Variants in ANKRD2 observed in about 807,000 individuals in gnomAD.
ANKRD2 encodes the protein ankyrin repeat domain 2, also known as ankyrin repeat domain-containing protein 2.
ANKRD2 carries 35 observed loss-of-function variants against 37.3 expected under a neutral mutation model. That is an observed-to-expected ratio of 0.94 (90% CI 0.72 to 1.24). ANKRD2 has a LOEUF of 1.24. Among genes scored for constraint, ANKRD2 ranks in the 50% most tolerant of loss-of-function variants. ANKRD2 has a pLI of 0.00. For missense variants in ANKRD2, 410 were observed against 445.6 expected (o/e 0.92, Z 0.72); for synonymous variants, 159 against 186.5 (o/e 0.85, Z 1.20).
At chr10:97,573,760 T>C (rs1052636608) in intron 1 of ANKRD2, among the ~76,000 whole-genome samples, 1 of 152,160 alleles carries the variant, frequency 6.6e-6, no homozygotes, top group Non-Finnish European at 1.5e-5. Flanking sequence ...TAATACTTCA[T>C]CTAGTGTTGG....
At chr10:97,577,017 G>A (rs1460780059) in intron 1 of ANKRD2, among the ~76,000 whole-genome samples, 1 of 147,652 alleles carries the variant, frequency 6.8e-6, no homozygotes, top group African/African-American at 2.5e-5. Context: ...TTTGAGGCAG[G>A]GTCATTCTCT....
At chr10:97,580,671 G>T (rs1327465118) in intron 4 of ANKRD2, among the ~76,000 whole-genome samples, 184 bp from the exon 5 acceptor site, 1 of 152,190 alleles carries the variant, frequency 6.6e-6, no homozygotes, top group Non-Finnish European at 1.5e-5. Context: ...CGGGTTCCCT[G>T]GGGCAGAGGG....
intron 1 of ANKRD2, among the ~76,000 whole-genome samples, chr10:97,573,114 C>G (rs866834586): frequency 3.0e-4 from 45 of 152,248 alleles, no homozygotes; most frequent in Middle Eastern, 6.8e-3. Context: ...GCTGGGCTTC[C>G]TAAGACTGCT....
chr10:97,578,430 G>A (rs2135702632), intron 3 of ANKRD2, 32 bp downstream of exon 3: 1 of 1,611,974 alleles, frequency 6.2e-7, no homozygotes, highest in East Asian at 2.2e-5. Context: ...CCGCGAGGGG[G>A]CGGAGGGGGA....
At position 97,578,578 on chromosome 10, in the gene ANKRD2, CG is replaced by C; in HGVS notation, c.435del (p.Ser146GlnfsTer29). Reference protein sequence around the residue: ...MKVIEKFLADGGSADTCDQFR... With the variant: ...MKVIEKFLADXGSADTCDQFR... ...AGGTCATTGAGAAGTTCCTGGCTGA[CG>C]GGGGGTCAGCCGACACGTGCGACCA... On this transcript the variant is annotated frameshift_variant, in exon 4 of 9. Transcript: ENST00000370655. LOFTEE classifies it high-confidence loss of function. 1.3e-6 allele frequency: 2 copies of C among 1,561,676 alleles called. No individual in the cohort carries two copies. Among genetic ancestry groups the C allele is most frequent in the Non-Finnish European group, 1.7e-6 (2 of 1,152,668 alleles).
rs1253644692 is a variant in ANKRD2 at position 97,581,491 on chromosome 10, G to A, written c.654+77G>A. 23 of 1,430,978 alleles carry A rather than the reference G, an allele frequency of 1.6e-5. No homozygotes were observed. In the African/African-American group the frequency reaches 1.8e-4, roughly 11 times the overall value. 88.6% of individuals were successfully genotyped at this position (1,430,978 alleles called of 1,614,324 possible). The stretch of plus-strand genomic sequence containing the variant: ...AAGGCAGGGGTCCAAGGGCAGGAAA[G>A]CCTAGGGGGCAGGAAGGTAGTGAGC... On this transcript the variant is annotated intron_variant, in intron 6 of 8. Transcript: ENST00000370655.
rs1268138572 is a variant in ANKRD2 at position 97,580,931 on chromosome 10, C to T, written c.533C>T (p.Ala178Val). ...CTGGAGAAGCTTCTAGATAATGGGG[C>T]CACTGTGGACTTCCAGGATCGGGTG... ...EILEKLLDNG[A>V]TVDFQDRLDC... Residue 178 changes from alanine (A) to valine (V), a missense_variant, in exon 5 of 9, where the codon GCC becomes GTC. Transcript: ENST00000370655. The T allele has an allele frequency of 6.9e-6, 11 of 1,600,062 alleles. No individual in the cohort carries two copies. In the African/African-American group the frequency reaches 1.3e-4, roughly 19 times the overall value.
In ANKRD2 at chr10:97,582,336, G is replaced by A. The variant is rs774616303; in HGVS notation, c.676G>A (p.Val226Met). 8 of 1,557,874 alleles carry A rather than the reference G, an allele frequency of 5.1e-6. No homozygotes were observed. Among genetic ancestry groups the A allele is most frequent in the South Asian group, 4.7e-5 (4 of 84,644 alleles). ...CCAGCTGCTGAGCACCCCGCTGCAC[G>A]TGGCAGTCCGGACAGGGCAGGTGGA... Reference protein sequence around the residue: ...RDKLLSTPLHVAVRTGQVEIV... With the variant: ...RDKLLSTPLHMAVRTGQVEIV... The change falls in exon 7 of 9, where the codon GTG becomes ATG. Residue 226 changes from valine to methionine, a missense_variant. By Grantham distance (21) the Val-to-Met change is conservative. Transcript: ENST00000370655.
At chr10:97,578,769 A>G (rs2135703197) in intron 4 of ANKRD2, among the ~76,000 whole-genome samples, 164 bp downstream of exon 4, 1 of 152,342 alleles carries the variant, frequency 6.6e-6, no homozygotes, top group African/African-American at 2.4e-5. Flanking sequence ...TTCCCCGTAC[A>G]GGAATTGACC....
Position 97,576,668 on chromosome 10 carries a change from T to TTTTATTTATTTA in ANKRD2, c.88-1100_88-1089dup, listed in dbSNP as rs59288893. On this transcript the variant is annotated intron_variant, in intron 1 of 8. Transcript: ENST00000370655. ...GTGAATTATTTATTTTTAAAACTTATTTTATTTATTTATTTATTTATTTAT... is the reference window on the plus strand; with the variant it reads ...GTGAATTATTTATTTTTAAAACTTATTTTATTTATTTATTTATTTATTTATTTATTTATTTAT... Among the ~76,000 whole-genome samples, 1,214 of 140,482 alleles carry TTTTATTTATTTA rather than the reference T, an allele frequency of 8.6e-3. 14 individuals carry two copies. The highest frequency in any genetic ancestry group is 0.011 in the Admixed American group (155 of 13,818). 92.2% of individuals were successfully genotyped at this position (140,482 alleles called of 152,430 possible).
At chr10:97,578,678 G>C in intron 4 of ANKRD2, 73 bp downstream of exon 4, 1 of 1,227,014 alleles carries the variant, frequency 8.1e-7, no homozygotes. Context: ...TCCTGGGTCA[G>C]CCCACTGTGA....
intron 2 of ANKRD2, 22 bp from the exon 3 acceptor site, chr10:97,578,218 G>A (rs764219570): frequency 1.1e-5 from 17 of 1,607,394 alleles, no homozygotes; most frequent in East Asian, 2.2e-5. Flanking sequence ...GGCCTGGGGG[G>A]TTGATGGGCC....
In ANKRD2 at chr10:97,580,951, C is replaced by T. The variant is rs539032791; in HGVS notation, c.553C>T (p.Arg185Trp). The T allele has an allele frequency of 5.0e-6, 8 of 1,586,088 alleles. No individual in the cohort carries two copies. Among genetic ancestry groups the T allele is most frequent in the African/African-American group, 1.3e-5 (1 of 74,592 alleles). ...TGGGGCCACTGTGGACTTCCAGGAT[C>T]GGGTGAGTGAGAGGGCAGGTATTCA... is the stretch of plus-strand genomic sequence containing the variant. ...DNGATVDFQDRLDCTAMHWAC... is the reference protein window; with the variant it reads ...DNGATVDFQDWLDCTAMHWAC... The change falls in exon 5 of 9, where the codon CGG (arginine) becomes TGG (tryptophan). Residue 185 changes from arginine (R) to tryptophan (W), a missense_variant and splice_region_variant. Physicochemically the swap from Arg to Trp is moderately radical, Grantham distance 101. Transcript: ENST00000370655.
chr10:97,579,771 AG>A (rs1217536152), intron 4 of ANKRD2, among the ~76,000 whole-genome samples: 3 of 151,996 alleles, frequency 2.0e-5, no homozygotes, highest in Admixed American at 2.0e-4. Context: ...TATTTTTAGT[AG>A]AGACAAGGTT....
intron 6 of ANKRD2, 85 bp from the exon 7 acceptor site, chr10:97,582,230 G>A (rs988911251): frequency 2.6e-6 from 3 of 1,140,680 alleles, no homozygotes; most frequent in African/African-American, 1.5e-5. Context: ...GAGGGATTAA[G>A]CTGGAGTTAG....
intron 3 of ANKRD2, 43 bp downstream of exon 3, chr10:97,578,441 G>T (rs769945623): frequency 3.7e-5 from 60 of 1,609,132 alleles, no homozygotes; most frequent in Non-Finnish European, 1.7e-5. Context: ...CGGAGGGGGA[G>T]CCCGGGAGGC....
intron 4 of ANKRD2, among the ~76,000 whole-genome samples, chr10:97,580,076 T>C (rs1344062239): frequency 6.6e-6 from 1 of 152,264 alleles, no homozygotes; most frequent in African/African-American, 2.4e-5. Context: ...ATGTCCTTTC[T>C]GTTCTTTAGA....
rs1236703236 is a variant in ANKRD2, at chr10:97,578,334, G to T, written c.284G>T (p.Arg95Leu). 14 of 1,613,352 alleles carry T rather than the reference G, an allele frequency of 8.7e-6. No homozygotes were observed. The Admixed American group carries it at 1.7e-4, about 19-fold the overall frequency. ...AACCTCATCGAGCTGCGGAAGAAAC[G>T]CAAGCAGAAGAAGCGGGACGCTCTG... is the stretch of plus-strand genomic sequence containing the variant. ...IQNLIELRKKRKQKKRDALAA... is the reference protein window; with the variant it reads ...IQNLIELRKKLKQKKRDALAA... The change falls in exon 3 of 9, where the codon CGC becomes CTC. Residue 95 changes from arginine to leucine, a missense_variant. By Grantham distance (102) the Arg-to-Leu change is moderately radical. Coordinates refer to ENST00000370655, the MANE Select transcript of ANKRD2 (RefSeq NM_001346793.2).
In ANKRD2 at chr10:97,577,930, C is replaced by T. The variant is rs756180865; in HGVS notation, c.189+29C>T. On this transcript the variant is annotated intron_variant, in intron 2 of 8. Transcript: ENST00000370655. ...AGCCTGGGAGGATCCAATGTCTGCACCCAGGGGACCAGCCAGGTAGCCATG... is the reference window on the plus strand; with the variant it reads ...AGCCTGGGAGGATCCAATGTCTGCATCCAGGGGACCAGCCAGGTAGCCATG... 11 of 1,533,466 alleles carry T rather than the reference C, an allele frequency of 7.2e-6. No individual in the cohort carries two copies. The African/African-American group carries it at 1.5e-4, about 21-fold the overall frequency. The allele number at this position is 1,533,466 out of a possible 1,614,324, so 95.0% of individuals were successfully genotyped here.
Sources: gnomAD v4.1 joint callset for allele counts (sites outside exome capture counted in the v4.1 genomes callset) on GRCh38, gnomAD v4.1.1 for gene constraint, MANE v1.5 for transcripts, NCBI Gene and HGNC (gene_info 2026-07-23, HGNC 2026-07-21) for gene names.